FAF2: variants seen among roughly 807,000 people sequenced by gnomAD.
The protein encoded by FAF2 is Fas associated factor family member 2.
FAF2 carries 9 observed loss-of-function variants against 62.3 expected under a neutral mutation model. The observed-to-expected ratio is 0.14, with a 90% CI of 0.09 to 0.25. The LOEUF (loss-of-function observed/expected upper bound fraction) is 0.25. FAF2 is among the 10% of genes least tolerant of loss of function. The pLI, the probability that FAF2 is intolerant of heterozygous loss-of-function variation, is 1.00. For missense variants in FAF2, 368 were observed against 556.2 expected (o/e 0.66, Z 3.40); for synonymous variants, 202 against 198.0 (o/e 1.02, Z -0.17).
At chr5:176,454,448 C>T (rs975853903) in intron 1 of FAF2, among the ~76,000 whole-genome samples, 5 of 150,352 alleles carry the variant, frequency 3.3e-5, no homozygotes, top group African/African-American at 7.4e-5. Context: ...TGTGGTGGCA[C>T]AGGCCTGTAA....
intron 1 of FAF2, among the ~76,000 whole-genome samples, chr5:176,478,795 T>C (rs1262739399): frequency 6.6e-6 from 1 of 152,188 alleles, no homozygotes; most frequent in Non-Finnish European, 1.5e-5. Flanking sequence ...TTTCAAAAAA[T>C]GTTGGAGCAT....
chr5:176,496,380 C>T (rs1755483732), intron 7 of FAF2, 106 bp from the exon 8 acceptor site: 1 of 886,068 alleles, frequency 1.1e-6, no homozygotes, highest in Non-Finnish European at 1.6e-6. Flanking sequence ...TCTCGTCTTC[C>T]CCAACCAGGA....
rs998141483 is a variant in FAF2, at chr5:176,459,415, C to T, written c.63+10945C>T. Among the ~76,000 whole-genome samples, 8 of 152,092 alleles carry T rather than the reference C, an allele frequency of 5.3e-5. No homozygotes were observed. In the South Asian group the frequency reaches 1.7e-3, roughly 32 times the overall value. ...CTCGAACTACAGGCCCACGCCACCA[C>T]ACCCAGCTAATTTTTTTATTTTTAT... On this transcript the variant is annotated intron_variant, in intron 1 of 10. Coordinates refer to ENST00000261942, the MANE Select transcript of FAF2 (RefSeq NM_014613.3).
rs1001899516 is a variant in FAF2 at position 176,509,388 on chromosome 5, A to G, written c.*2438A>G. ...ACTGAGAAGCCAGTGATCTGCAAGCATTTGCTCTTGTTTCCACATCACCTC... is the reference window on the plus strand; with the variant it reads ...ACTGAGAAGCCAGTGATCTGCAAGCGTTTGCTCTTGTTTCCACATCACCTC... On this transcript the variant is annotated 3_prime_UTR_variant, in exon 11 of 11. Coordinates refer to ENST00000261942, the MANE Select transcript of FAF2 (RefSeq NM_014613.3). The G allele has an allele frequency of 1.3e-5, 2 of 152,178 alleles. No homozygotes were observed. Among genetic ancestry groups the G allele is most frequent in the African/African-American group, 4.8e-5 (2 of 41,436 alleles). 9.4% of individuals were successfully genotyped at this position (152,178 alleles called of 1,614,324 possible).
intron 2 of FAF2, among the ~76,000 whole-genome samples, chr5:176,484,072 CAAAAAAAGAA>C (rs1049196262): frequency 6.9e-6 from 1 of 144,236 alleles, no homozygotes; most frequent in African/African-American, 2.6e-5. Context: ...GACTCCGTCT[CAAAAAAAGAA>C]AAAAAAAGAA....
intron 10 of FAF2, among the ~76,000 whole-genome samples, chr5:176,503,220 A>C (rs919050907): frequency 6.6e-6 from 1 of 152,146 alleles, no homozygotes; most frequent in African/African-American, 2.4e-5. Context: ...AGATAATTAC[A>C]TAAAACCAAA....
intron 1 of FAF2, 98 bp from the exon 2 acceptor site, chr5:176,479,090 T>C: frequency 1.1e-6 from 1 of 948,168 alleles, no homozygotes; most frequent in Non-Finnish European, 1.7e-6. Context: ...ACTTTTAACA[T>C]TTTTTAGTGT....
At chr5:176,462,461 T>G (rs1447799940) in intron 1 of FAF2, among the ~76,000 whole-genome samples, 1 of 150,844 alleles carries the variant, frequency 6.6e-6, no homozygotes, top group African/African-American at 2.4e-5. Context: ...CCATCTCTAC[T>G]AAAAATACCA....
intron 1 of FAF2, among the ~76,000 whole-genome samples, chr5:176,459,824 G>T (rs1033754107): frequency 5.3e-5 from 8 of 151,964 alleles, no homozygotes; most frequent in African/African-American, 1.7e-4. Flanking sequence ...TGATCCCATA[G>T]CCCAGATTGT....
At chr5:176,499,948 G>T in intron 9 of FAF2, 55 bp from the exon 10 acceptor site, 2 of 1,595,758 alleles carry the variant, frequency 1.3e-6, no homozygotes, top group Middle Eastern at 1.7e-4. Context: ...AAGCTACATG[G>T]TCATTGTATT....
rs189768289 is a variant in FAF2 at position 176,507,526 on chromosome 5, A to G, written c.*576A>G. Reference sequence around the variant, plus strand: ...GAGGCTGACATAGGTATATATATATATTTTTTTCCTTTATTTGATAAAGAG... The same window carrying G: ...GAGGCTGACATAGGTATATATATATGTTTTTTTCCTTTATTTGATAAAGAG... On this transcript the variant is annotated 3_prime_UTR_variant, in exon 11 of 11. Transcript: ENST00000261942. The G allele has an allele frequency of 1.2e-5, 2 of 166,208 alleles. No homozygotes were observed. Among genetic ancestry groups the G allele is most frequent in the South Asian group, 1.3e-4 (1 of 7,740 alleles). 10.3% of individuals were successfully genotyped at this position (166,208 alleles called of 1,614,324 possible).
At chr5:176,503,648 C>T (rs1034728520) in intron 10 of FAF2, among the ~76,000 whole-genome samples, 1 of 151,770 alleles carries the variant, frequency 6.6e-6, no homozygotes, top group Non-Finnish European at 1.5e-5. Flanking sequence ...AGGTAATGCT[C>T]AGCTCTGGAA....
In FAF2 at chr5:176,492,904, C is replaced by G. The variant is rs1429440831; in HGVS notation, c.483+572C>G. ...CCCTTGAAGGCAAAGCCTACATCTTCTTTGATCTCTCACAGAATTGAATAA... is the reference window on the plus strand; with the variant it reads ...CCCTTGAAGGCAAAGCCTACATCTTGTTTGATCTCTCACAGAATTGAATAA... On this transcript the variant is annotated intron_variant, in intron 5 of 10. Coordinates refer to ENST00000261942, the MANE Select transcript of FAF2 (RefSeq NM_014613.3). Among the ~76,000 whole-genome samples the G allele has an allele frequency of 2.6e-5, 4 of 152,232 alleles. No homozygotes were observed. The East Asian group carries it at 5.8e-4, about 22-fold the overall frequency.
At chr5:176,448,568 C>T (rs1758109216) in intron 1 of FAF2, 98 bp downstream of exon 1, 1 of 1,230,974 alleles carries the variant, frequency 8.1e-7, no homozygotes, top group Non-Finnish European at 1.1e-6. Flanking sequence ...TCAGATCCTT[C>T]TCAGACCAGC....
chr5:176,465,316 A>G (rs1029733745), intron 1 of FAF2, among the ~76,000 whole-genome samples: 2 of 151,262 alleles, frequency 1.3e-5, no homozygotes, highest in Admixed American at 6.6e-5. Flanking sequence ...GTGGGCTGAT[A>G]TTCAGCTACT....
intron 1 of FAF2, among the ~76,000 whole-genome samples, chr5:176,470,343 C>T (rs984369341): frequency 3.3e-5 from 5 of 152,200 alleles, no homozygotes; most frequent in African/African-American, 9.6e-5. Context: ...TTTGGGAGGC[C>T]GAGGCGGGCG....
chr5:176,501,046 G>A (rs1755581873), intron 10 of FAF2, among the ~76,000 whole-genome samples: 1 of 151,990 alleles, frequency 6.6e-6, no homozygotes, highest in South Asian at 2.1e-4. Flanking sequence ...AGAATCACTT[G>A]AACCCGGGAG....
chr5:176,478,949 A>G (rs1304108054), intron 1 of FAF2, among the ~76,000 whole-genome samples: 2 of 152,218 alleles, frequency 1.3e-5, no homozygotes, highest in Non-Finnish European at 2.9e-5. Flanking sequence ...GATCTTAGTC[A>G]GTACTCCTCT....
rs747582699 is a variant in FAF2 at position 176,460,513 on chromosome 5, CGTGTGTGTGTGT to C, written c.63+12072_63+12083del. ...CAGTGATGTTGACTATTTTTGGCCG[CGTGTGTGTGTGT>C]GTGTGTGTGTGTGTGTGTGTGTGTG... On this transcript the variant is annotated intron_variant, in intron 1 of 10. Coordinates refer to ENST00000261942, the MANE Select transcript of FAF2 (RefSeq NM_014613.3). Among the ~76,000 whole-genome samples the C allele has an allele frequency of 7.2e-4, 95 of 132,660 alleles. No individual in the cohort carries two copies. The East Asian group carries it at 0.013, about 18-fold the overall frequency. The allele number at this position is 132,660 out of a possible 152,430, so 87.0% of individuals were successfully genotyped here.
Sources: allele counts gnomAD v4.1 joint callset (sites outside exome capture counted in the v4.1 genomes callset), GRCh38; gene constraint gnomAD v4.1.1; transcripts MANE v1.5; gene names NCBI Gene and HGNC (gene_info 2026-07-23, HGNC 2026-07-21).